Variants in NUP54 observed in about 807,000 individuals in gnomAD.
NUP54 encodes nucleoporin 54.
Under a neutral mutation model 66.4 loss-of-function variants are expected in NUP54, and 27 were observed. The observed-to-expected ratio is 0.41, with a 90% CI of 0.30 to 0.56. The LOEUF (loss-of-function observed/expected upper bound fraction) is 0.56, where lower values mean the gene tolerates loss of function less well. Among genes scored for constraint, NUP54 ranks in the 20% least tolerant of loss-of-function variants. The pLI is 0.34. For missense variants in NUP54, 486 were observed against 596.3 expected, an observed-to-expected ratio of 0.82 and a Z score of 1.93; for synonymous variants, 206 against 210.7, an observed-to-expected ratio of 0.98 and a Z score of 0.19.
intron 8 of NUP54, among the ~76,000 whole-genome samples, chr4:76,128,053 C>G (rs1730618287): frequency 6.6e-6 from 1 of 152,132 alleles, no homozygotes; most frequent in Admixed American, 6.5e-5. Flanking sequence ...TGGTTTCAAC[C>G]CAGCCTCAAA....
chr4:76,146,841 C>G (rs974078293), intron 1 of NUP54, among the ~76,000 whole-genome samples: 3 of 152,320 alleles, frequency 2.0e-5, no homozygotes, highest in African/African-American at 7.2e-5. Context: ...TCTAGCTTAC[C>G]TTTTAGAATT....
chr4:76,125,346 A>ACGCGCG (rs1199589842), intron 8 of NUP54, among the ~76,000 whole-genome samples: 1 of 149,716 alleles, frequency 6.7e-6, no homozygotes, highest in Admixed American at 6.6e-5. Context: ...ACACACACAC[A>ACGCGCG]CACACGGCTG....
chr4:76,145,104 G>A (rs549467273), intron 1 of NUP54, among the ~76,000 whole-genome samples: 98 of 152,000 alleles, frequency 6.4e-4, no homozygotes, highest in African/African-American at 2.3e-3. Flanking sequence ...GGATCACAAG[G>A]TCAGGAGATC....
chr4:76,116,845 G>C (rs1319292478), intron 11 of NUP54, among the ~76,000 whole-genome samples: 1 of 152,156 alleles, frequency 6.6e-6, no homozygotes, highest in Non-Finnish European at 1.5e-5. Context: ...CAAGGTCTAG[G>C]AAACTTTAGT....
intron 9 of NUP54, among the ~76,000 whole-genome samples, chr4:76,123,713 C>A (rs1029232336): frequency 2.6e-5 from 4 of 152,138 alleles, no homozygotes; most frequent in South Asian, 2.1e-4. Flanking sequence ...GGGGTTTCAC[C>A]GTGTTGCCCA....
intron 9 of NUP54, among the ~76,000 whole-genome samples, chr4:76,123,504 T>G (rs1553941905): frequency 6.6e-6 from 1 of 152,084 alleles, no homozygotes; most frequent in Non-Finnish European, 1.5e-5. Context: ...ACATGCAGCA[T>G]CTTCTTTTTT....
chr4:76,128,480 C>T (rs1223103319), intron 8 of NUP54, among the ~76,000 whole-genome samples: 1 of 147,040 alleles, frequency 6.8e-6, no homozygotes, highest in Non-Finnish European at 1.5e-5. Flanking sequence ...AAACACAAAA[C>T]AAATAAATGG....
chr4:76,131,580 CA>C (rs1456088043), intron 6 of NUP54, among the ~76,000 whole-genome samples: 2 of 151,828 alleles, frequency 1.3e-5, no homozygotes, highest in Non-Finnish European at 2.9e-5. Context: ...GCAAAGGACA[CA>C]AATAGGTAAC....
chr4:76,121,009 C>G (rs1411707387), intron 9 of NUP54, among the ~76,000 whole-genome samples: 3 of 152,172 alleles, frequency 2.0e-5, no homozygotes, highest in African/African-American at 7.2e-5. Flanking sequence ...TCTTTTGCTA[C>G]ACAATTTTTT....
rs897446288 is a variant in NUP54, at chr4:76,138,832, G to A, written c.296-2420C>T. ...AAAAGCAATAAGGAGGACTAACAAT[G>A]AGGTAGGAAAAAACTAGACTGGAGT... is the stretch of plus-strand genomic sequence containing the variant. On this transcript the variant is annotated intron_variant, in intron 3 of 11. Coordinates refer to ENST00000264883, the MANE Select transcript of NUP54 (RefSeq NM_017426.4). 2.0e-5 allele frequency among the ~76,000 whole-genome samples: 3 copies of A among 152,152 alleles called. No homozygotes were observed. In the East Asian group the frequency reaches 5.8e-4, roughly 29 times the overall value.
chr4:76,128,466 C>A (rs1487920198), intron 8 of NUP54, among the ~76,000 whole-genome samples: 1 of 149,624 alleles, frequency 6.7e-6, no homozygotes, highest in Non-Finnish European at 1.5e-5. Context: ...AAAACAGAGG[C>A]TACAAACACA....
chr4:76,115,226 T>TTGTC lies in NUP54; in HGVS notation c.*136_*139dup. 1.6e-6 allele frequency: 1 copy of TTGTC among 640,548 alleles called. No individual in the cohort carries two copies. The highest frequency in any genetic ancestry group is 2.4e-6 in the Non-Finnish European group (1 of 417,152). The allele number at this position is 640,548 out of a possible 1,614,324, so 39.7% of individuals were successfully genotyped here. On this transcript the variant is annotated 3_prime_UTR_variant, in exon 12 of 12. Coordinates refer to ENST00000264883, the MANE Select transcript of NUP54 (RefSeq NM_017426.4). ...TATTTCAGATTTGATGAACAGTAAT[T>TTGTC]TGTCAGTAAACTTCTCAAAAAACCA...
At chr4:76,123,713 C>T (rs1029232336) in intron 9 of NUP54, among the ~76,000 whole-genome samples, 7 of 152,018 alleles carry the variant, frequency 4.6e-5, no homozygotes, top group Non-Finnish European at 7.4e-5. Context: ...GGGGTTTCAC[C>T]GTGTTGCCCA....
At chr4:76,140,895 A>G (rs530568577) in intron 3 of NUP54, among the ~76,000 whole-genome samples, 2 of 152,304 alleles carry the variant, frequency 1.3e-5, no homozygotes, top group African/African-American at 4.8e-5. Context: ...CATATTGGCA[A>G]GAGATATAGA....
Position 76,118,210 on chromosome 4 carries a change from C to A in NUP54, c.1165-16G>T. 1 of 1,608,134 alleles carries A rather than the reference C, an allele frequency of 6.2e-7. No individual in the cohort carries two copies. Among genetic ancestry groups the A allele is most frequent in the African/African-American group, 1.3e-5 (1 of 74,830 alleles). On this transcript the variant is annotated splice_polypyrimidine_tract_variant and intron_variant, in intron 9 of 11. Coordinates refer to ENST00000264883, the MANE Select transcript of NUP54 (RefSeq NM_017426.4). ...TGATTAGGACCTATACAAATAAAAA[C>A]CACCAATAACAACAGAATCATCTCT... is the stretch of plus-strand genomic sequence containing the variant.
intron 8 of NUP54, among the ~76,000 whole-genome samples, chr4:76,126,022 G>C (rs2109870800): frequency 6.6e-6 from 1 of 152,254 alleles, no homozygotes; most frequent in African/African-American, 2.4e-5. Context: ...TGATATCTAG[G>C]GGGTGTCTTA....
In NUP54 at chr4:76,124,720, G is replaced by T; in HGVS notation, c.1093C>A (p.Gln365Lys). Residue 365 changes from glutamine (Q) to lysine (K), a missense_variant, in exon 9 of 12, where the codon CAA (glutamine) becomes AAA (lysine). By Grantham distance (53) the Gln-to-Lys change is moderately conservative. Around this residue, in one of 4 missense-constraint regions of NUP54, gnomAD observed 217 missense variants for 247.9 expected, o/e 0.88. Coordinates refer to ENST00000264883, the MANE Select transcript of NUP54 (RefSeq NM_017426.4). ...SEDISELQKN[Q>K]TTSVAKIAQY... ...GCAATTTTGGCTACAGATGTAGTTT[G>T]ATTCTTTTGTAGCTCACTAATATCT... The T allele has an allele frequency of 1.5e-6, 2 of 1,372,200 alleles. No homozygotes were observed. The highest frequency in any genetic ancestry group is 1.1e-5 in the South Asian group (1 of 87,204). 85.0% of individuals were successfully genotyped at this position (1,372,200 alleles called of 1,614,324 possible).
At chr4:76,136,116 G>T in intron 4 of NUP54, 70 bp downstream of exon 4, 1 of 1,004,940 alleles carries the variant, frequency 1.0e-6, no homozygotes, top group Non-Finnish European at 1.5e-6. Flanking sequence ...TTGTTATCTT[G>T]ATATTAATCT....
At chr4:76,128,660 G>A (rs1219900481) in intron 8 of NUP54, among the ~76,000 whole-genome samples, 1 of 152,324 alleles carries the variant, frequency 6.6e-6, no homozygotes, top group East Asian at 1.9e-4. Context: ...TGAGTGTCTT[G>A]AGTAAGTGTC....
Sources: gnomAD v4.1 joint callset for allele counts (sites outside exome capture counted in the v4.1 genomes callset) on GRCh38, gnomAD v4.1.1 for gene constraint, gnomAD v4.1.1 regional missense constraint, MANE v1.5 for transcripts, NCBI Gene and HGNC (gene_info 2026-07-23, HGNC 2026-07-21) for gene names.